FBXL13: variants seen among roughly 807,000 people sequenced by gnomAD.
The protein encoded by FBXL13 is F-box and leucine rich repeat protein 13.
Under a neutral mutation model 83.6 loss-of-function variants are expected in FBXL13, and 67 were observed. That is an observed-to-expected ratio of 0.80 (90% CI 0.66 to 0.98). The LOEUF is 0.98. FBXL13 is among the 50% of genes least tolerant of loss of function. FBXL13 has a pLI of 0.00. For missense variants in FBXL13, 822 were observed against 866.5 expected, an observed-to-expected ratio of 0.95 and a Z score of 0.64; for synonymous variants, 272 against 299.5, an observed-to-expected ratio of 0.91 and a Z score of 0.95.
intron 6 of FBXL13, among the ~76,000 whole-genome samples, chr7:103,014,729 C>T (rs931180841): frequency 2.0e-5 from 3 of 151,902 alleles, no homozygotes; most frequent in Admixed American, 6.6e-5. Context: ...CGAGACCATC[C>T]TGGCTAACAC....
At chr7:102,910,564 C>T (rs1396099290) in intron 11 of FBXL13, among the ~76,000 whole-genome samples, 1 of 151,898 alleles carries the variant, frequency 6.6e-6, no homozygotes, top group East Asian at 1.9e-4. Flanking sequence ...TGCTGGATGC[C>T]ACCTTCTTAG....
chr7:102,900,291 CAGGG>C (rs1400450374), intron 11 of FBXL13, among the ~76,000 whole-genome samples: 1 of 152,140 alleles, frequency 6.6e-6, no homozygotes, highest in African/African-American at 2.4e-5. Context: ...TCCTAAAGGA[CAGGG>C]AGGCTGTTTT....
chr7:102,829,709 G>A (rs1322856397), intron 18 of FBXL13, among the ~76,000 whole-genome samples: 2 of 152,128 alleles, frequency 1.3e-5, no homozygotes, highest in East Asian at 1.9e-4. Context: ...ACTGACCTTC[G>A]AGGTGAGGTG....
intron 8 of FBXL13, among the ~76,000 whole-genome samples, chr7:102,952,244 G>A (rs1823540892): frequency 6.6e-6 from 1 of 152,180 alleles, no homozygotes; most frequent in African/African-American, 2.4e-5. Flanking sequence ...TCAGTTTTGT[G>A]AGATGAAAAA....
chr7:103,048,882 A>T (rs1353271727), intron 2 of FBXL13, among the ~76,000 whole-genome samples: 1 of 152,154 alleles, frequency 6.6e-6, no homozygotes, highest in Non-Finnish European at 1.5e-5. Flanking sequence ...GCATTCTTAT[A>T]ATCTCTTACC....
intron 2 of FBXL13, among the ~76,000 whole-genome samples, chr7:103,051,964 C>T (rs1163192398): frequency 6.6e-6 from 1 of 152,190 alleles, no homozygotes; most frequent in East Asian, 1.9e-4. Context: ...AGCTAGGTTG[C>T]AGTTCTTCCA....
chr7:102,964,770 C>T (rs958051889), intron 7 of FBXL13, among the ~76,000 whole-genome samples: 3 of 152,054 alleles, frequency 2.0e-5, no homozygotes, highest in Admixed American at 6.5e-5. Context: ...TTTATTCTGC[C>T]GATGTAATCA....
At chr7:102,999,756 T>C (rs754220876) in intron 6 of FBXL13, among the ~76,000 whole-genome samples, 30 of 152,214 alleles carry the variant, frequency 2.0e-4, no homozygotes, top group Admixed American at 6.5e-5. Context: ...TCAGTTGCAA[T>C]GTCTCATGTT....
In FBXL13 at chr7:102,862,592, T is replaced by G; in HGVS notation, c.1636-7732A>C. On this transcript the variant is annotated intron_variant, in intron 16 of 19. Coordinates refer to ENST00000313221, the Ensembl canonical transcript of FBXL13. ...TTTACTTTCTATTCTAAACAAACCA[T>G]CAGCACAAATGTGCTAATATTCAAG... Among the ~76,000 whole-genome samples the G allele has an allele frequency of 1.3e-5, 2 of 152,200 alleles. 1 individual carries two copies. The highest frequency in any genetic ancestry group is 2.9e-5 in the Non-Finnish European group (2 of 68,022).
At chr7:102,932,075 C>A in intron 8 of FBXL13, 142 bp from the exon 10 acceptor site, 1 of 681,556 alleles carries the variant, frequency 1.5e-6, no homozygotes, top group Non-Finnish European at 2.3e-6. Context: ...TATATGGTTT[C>A]TTTCCCCAGA....
intron 17 of FBXL13, among the ~76,000 whole-genome samples, chr7:102,847,556 T>C (rs1007606374): frequency 6.6e-6 from 1 of 152,166 alleles, no homozygotes; most frequent in African/African-American, 2.4e-5. Flanking sequence ...ACATGGAGTC[T>C]CTTTCTGTCG....
chr7:102,909,407 G>C (rs1814291629), intron 11 of FBXL13, among the ~76,000 whole-genome samples: 1 of 152,090 alleles, frequency 6.6e-6, no homozygotes, highest in Non-Finnish European at 1.5e-5. Context: ...TGGCCGTGCT[G>C]GTATCTAAGG....
At chr7:102,986,922 C>CAT (rs1411269922) in intron 6 of FBXL13, among the ~76,000 whole-genome samples, 1 of 150,332 alleles carries the variant, frequency 6.7e-6, no homozygotes, top group African/African-American at 2.4e-5. Context: ...ATGTGATACA[C>CAT]ACACACACAC....
intron 11 of FBXL13, among the ~76,000 whole-genome samples, chr7:102,909,781 CT>C (rs1310713372): frequency 1.3e-5 from 2 of 152,274 alleles, no homozygotes; most frequent in Admixed American, 6.5e-5. Flanking sequence ...AAAGTCCTCC[CT>C]ACTCGTCCTT....
intron 11 of FBXL13, among the ~76,000 whole-genome samples, chr7:102,889,413 T>TTTA (rs1036721667): frequency 9.2e-5 from 14 of 151,780 alleles, no homozygotes; most frequent in Admixed American, 7.9e-4. Context: ...GTTTTTAATT[T>TTTA]TTATTATTAT....
At chr7:102,937,883 C>A (rs1163617897) in intron 8 of FBXL13, among the ~76,000 whole-genome samples, 2 of 152,182 alleles carry the variant, frequency 1.3e-5, no homozygotes, top group Non-Finnish European at 2.9e-5. Context: ...ACATAGAGAA[C>A]TTGCATACAG....
intron 6 of FBXL13, among the ~76,000 whole-genome samples, chr7:103,005,520 A>G (rs1310341020): frequency 6.6e-6 from 1 of 152,192 alleles, no homozygotes; most frequent in East Asian, 1.9e-4. Context: ...CAACAGAAAC[A>G]TATCTCACAG....
chr7:103,047,489 T>C (rs1469099903), intron 2 of FBXL13, among the ~76,000 whole-genome samples: 1 of 152,208 alleles, frequency 6.6e-6, no homozygotes, highest in Admixed American at 6.5e-5. Context: ...GTATATCTAA[T>C]CAATTTCACT....
chr7:102,812,251 T>G (rs1486965787), downstream of FBXL13, among the ~76,000 whole-genome samples: 1 of 152,240 alleles, frequency 6.6e-6, no homozygotes, highest in African/African-American at 2.4e-5. Context: ...GCACATATAC[T>G]AAAACCTACG....
Sources: allele counts gnomAD v4.1 joint callset (sites outside exome capture counted in the v4.1 genomes callset), GRCh38; gene constraint gnomAD v4.1.1; transcripts MANE v1.5; gene names NCBI Gene and HGNC (gene_info 2026-07-23, HGNC 2026-07-21).